Variants in ABI2 observed in about 807,000 individuals in gnomAD.
The protein encoded by ABI2 is abelson interactor 2.
A neutral mutation model predicts 59.2 loss-of-function variants in ABI2; 25 were observed. That is an observed-to-expected ratio of 0.42 (90% CI 0.31 to 0.59). ABI2 has a LOEUF of 0.59. Ranked by LOEUF, ABI2 falls within the 20% of genes least tolerant of loss-of-function variation. The probability of loss-of-function intolerance (pLI) is 0.14; values close to 1 mark genes in which losing one functional copy is unlikely to be tolerated. For synonymous variants in ABI2, 213 were observed against 235.5 expected, an observed-to-expected ratio of 0.90 and a Z score of 0.87; for missense variants, 545 against 681.8, an observed-to-expected ratio of 0.80 and a Z score of 2.23.
At chr2:203,342,339 TG>T (rs979558800) in intron 1 of ABI2, 57 of 369,952 alleles carry the variant, frequency 1.5e-4, no homozygotes, top group Admixed American at 1.1e-3. Context: ...AATATGGGAC[TG>T]TTTTTTTGTT....
At chr2:203,420,525 GT>G (rs2098150511) in intron 11 of ABI2, among the ~76,000 whole-genome samples, 1 of 151,916 alleles carries the variant, frequency 6.6e-6, no homozygotes, top group Non-Finnish European at 1.5e-5. Flanking sequence ...TCCTGAGTAG[GT>G]GGGACTACAG....
intron 1 of ABI2, among the ~76,000 whole-genome samples, chr2:203,350,650 C>T (rs934433338): frequency 6.6e-6 from 1 of 151,290 alleles, no homozygotes; most frequent in African/African-American, 2.4e-5. Flanking sequence ...AGTGATTCTC[C>T]TGTCTCAGCC....
chr2:203,356,471 C>G (rs948670731), intron 1 of ABI2, among the ~76,000 whole-genome samples: 1 of 152,130 alleles, frequency 6.6e-6, no homozygotes. Flanking sequence ...CAGGTTTGAG[C>G]AATTCTCCTG....
intron 1 of ABI2, among the ~76,000 whole-genome samples, chr2:203,364,684 ATACTT>A (rs1258831937): frequency 1.3e-5 from 2 of 152,042 alleles, no homozygotes; most frequent in Non-Finnish European, 2.9e-5. Flanking sequence ...CTAGGATAGA[ATACTT>A]AAAGTTTCTA....
chr2:203,414,836 A>G (rs2097827322), intron 10 of ABI2, among the ~76,000 whole-genome samples: 1 of 152,228 alleles, frequency 6.6e-6, no homozygotes, highest in Admixed American at 6.5e-5. Flanking sequence ...CTCCACATCT[A>G]TAAAATGAAA....
chr2:203,386,430 G>GTTTTTTTTT lies in ABI2; in HGVS notation c.480+4242_480+4250dup, dbSNP rs71007512. On this transcript the variant is annotated intron_variant, in intron 4 of 11. Transcript: ENST00000261018. The stretch of plus-strand genomic sequence containing the variant: ...AGCGGGACTACAGCCACTCCTGGCT[G>GTTTTTTTTT]TTTTTTTTTTTTTTTTTTTTTTTTT... The GTTTTTTTTT allele has an allele frequency of 1.7e-3, 109 of 63,892 alleles. 10 individuals carry two copies. The highest frequency in any genetic ancestry group is 8.0e-3 in the African/African-American group (93 of 11,588). 4.0% of individuals were successfully genotyped at this position (63,892 alleles called of 1,614,324 possible). A position where few individuals can be genotyped will look rare whatever the true frequency, so the allele number is the denominator to read the frequency against.
intron 1 of ABI2, among the ~76,000 whole-genome samples, chr2:203,352,251 G>T (rs1200359081): frequency 1.3e-5 from 2 of 152,154 alleles, no homozygotes; most frequent in African/African-American, 4.8e-5. Flanking sequence ...CTTGAGTTCA[G>T]AAGTTCAAGG....
chr2:203,344,281 C>A (rs2081794886), intron 1 of ABI2, among the ~76,000 whole-genome samples: 1 of 152,070 alleles, frequency 6.6e-6, no homozygotes, highest in African/African-American at 2.4e-5. Context: ...AATAATAAAA[C>A]CCCAACAATG....
intron 4 of ABI2, among the ~76,000 whole-genome samples, chr2:203,383,767 G>A (rs1559287380): frequency 6.6e-6 from 1 of 152,178 alleles, no homozygotes; most frequent in South Asian, 2.1e-4. Flanking sequence ...ATGAGCAATA[G>A]CATTATGGAT....
chr2:203,343,942 C>T (rs1020339367), intron 1 of ABI2, among the ~76,000 whole-genome samples: 1 of 151,928 alleles, frequency 6.6e-6, no homozygotes, highest in Admixed American at 6.6e-5. Context: ...CTAGCCTTGG[C>T]AAAAAGACGA....
chr2:203,359,645 T>C (rs1308302546), intron 1 of ABI2, among the ~76,000 whole-genome samples: 1 of 152,084 alleles, frequency 6.6e-6, no homozygotes, highest in Non-Finnish European at 1.5e-5. Context: ...CGTCAGCAGA[T>C]TTGGTGTCTG....
intron 1 of ABI2, among the ~76,000 whole-genome samples, chr2:203,343,544 T>G (rs1008695312): frequency 6.6e-6 from 1 of 152,068 alleles, no homozygotes; most frequent in African/African-American, 2.4e-5. Flanking sequence ...CTCAGGGTGA[T>G]CTCCAACTCC....
chr2:203,391,862 G>T (rs1035547105), intron 5 of ABI2, among the ~76,000 whole-genome samples: 1 of 151,578 alleles, frequency 6.6e-6, no homozygotes, highest in Admixed American at 6.6e-5. Context: ...CTTTATTTTG[G>T]TCCTAGAGTT....
chr2:203,389,733 A>G lies in ABI2; in HGVS notation c.481-1313A>G, dbSNP rs568614014. Among the ~76,000 whole-genome samples, 3 of 152,300 alleles carry G rather than the reference A, an allele frequency of 2.0e-5. No individual in the cohort carries two copies. In the South Asian group the frequency reaches 6.2e-4, roughly 32 times the overall value. On this transcript the variant is annotated intron_variant, in intron 4 of 11. Transcript: ENST00000261018. ...GGTCTTAAAATAGAATCACATATGA[A>G]CCTGTGTGGTGAACATTAACCCATT...
At chr2:203,381,128 A>C (rs528821228) in intron 3 of ABI2, among the ~76,000 whole-genome samples, 1 of 152,232 alleles carries the variant, frequency 6.6e-6, no homozygotes, top group African/African-American at 2.4e-5. Flanking sequence ...TAATATAAAC[A>C]TACTTAAAAA....
intron 1 of ABI2, among the ~76,000 whole-genome samples, chr2:203,352,051 G>A (rs1283109402): frequency 1.3e-5 from 2 of 152,090 alleles, no homozygotes; most frequent in African/African-American, 4.8e-5. Context: ...GCTACTAGTC[G>A]TTATAGAAGA....
At chr2:203,376,049 ATACTT>A in intron 2 of ABI2, 1 of 1,527,918 alleles carries the variant, frequency 6.5e-7, no homozygotes, top group Non-Finnish European at 8.8e-7. Flanking sequence ...TAAAATATCT[ATACTT>A]AGGCAAATTA....
intron 2 of ABI2, chr2:203,367,335 T>TA: frequency 4.8e-6 from 1 of 208,476 alleles, no homozygotes; most frequent in Non-Finnish European, 9.2e-6. Context: ...TTTTTTTTTT[T>TA]TAAAACAAAT....
At chr2:203,334,270 G>A (rs1036543798) in intron 1 of ABI2, among the ~76,000 whole-genome samples, 2 of 151,958 alleles carry the variant, frequency 1.3e-5, no homozygotes, top group Non-Finnish European at 2.9e-5. Context: ...ACCTTGGTAT[G>A]GGTAATGTGA....
Sources: gnomAD v4.1 joint callset for allele counts (sites outside exome capture counted in the v4.1 genomes callset) on GRCh38, gnomAD v4.1.1 for gene constraint, MANE v1.5 for transcripts, NCBI Gene and HGNC (gene_info 2026-07-23, HGNC 2026-07-21) for gene names.